The following FAM133B variants were observed in gnomAD, a reference collection of about 807,000 sequenced individuals.
FAM133B encodes the protein protein FAM133B.
FAM133B carries 25 observed loss-of-function variants against 46.4 expected under a neutral mutation model. The ratio of observed to expected loss-of-function variants is 0.54; its 90% CI spans 0.39 to 0.75. The LOEUF (loss-of-function observed/expected upper bound fraction) is 0.75. FAM133B is among the 30% of genes least tolerant of loss of function. FAM133B has a pLI of 0.00. For synonymous variants in FAM133B, 75 were observed against 86.0 expected, an observed-to-expected ratio of 0.87 and a Z score of 0.71; for missense variants, 205 against 277.6, an observed-to-expected ratio of 0.74 and a Z score of 1.86.
Position 92,581,563 on chromosome 7 carries a change from G to A in FAM133B, c.65C>T (p.Pro22Leu). The A allele has an allele frequency of 6.2e-7, 1 of 1,613,852 alleles. No homozygotes were observed. Among genetic ancestry groups the A allele is most frequent in the Middle Eastern group, 1.7e-4 (1 of 6,060 alleles). ...NPIAMARSRG[P>L]IQSSGPTIQD... ...TATTGTTGGCCCTGAAGACTGGATT[G>A]GACCCCTTGATCTCGCCATTGCTAT... Residue 22 changes from proline to leucine, a missense_variant, in exon 2 of 11, where the codon CCA becomes CTA. Transcript: ENST00000445716.
chr7:92,567,005 G>A (rs1794371151), intron 9 of FAM133B, among the ~76,000 whole-genome samples: 1 of 152,152 alleles, frequency 6.6e-6, no homozygotes, highest in Admixed American at 6.5e-5. Context: ...GAGGCCAGGA[G>A]TTCAAGACCA....
intron 7 of FAM133B, 46 bp from the exon 8 acceptor site, chr7:92,575,867 G>A: frequency 2.2e-6 from 2 of 906,434 alleles, no homozygotes; most frequent in Non-Finnish European, 3.4e-6. Flanking sequence ...CAAGGACACA[G>A]CATTACAGAA....
chr7:92,572,177 G>GA (rs1175668902), intron 8 of FAM133B, among the ~76,000 whole-genome samples: 18 of 152,288 alleles, frequency 1.2e-4, no homozygotes, highest in Admixed American at 7.8e-4. Flanking sequence ...CAAAGACTAT[G>GA]AAAAGCAATG....
At position 92,565,833 on chromosome 7, in the gene FAM133B, AT is replaced by A. The variant is rs111677992; in HGVS notation, c.657+180del. On this transcript the variant is annotated intron_variant, in intron 10 of 10. Coordinates refer to ENST00000445716, the MANE Select transcript of FAM133B (RefSeq NM_152789.4). The stretch of plus-strand genomic sequence containing the variant: ...CATGCTTGCTACCAGGGTATTTTTT[AT>A]TTTTCCTGAACCATTTTGACTTTCT... 7.9e-4 allele frequency: 481 copies of A among 612,038 alleles called. 4 individuals carry two copies. The African/African-American group carries it at 7.9e-3, about 10-fold the overall frequency. The allele number at this position is 612,038 out of a possible 1,614,324, so 37.9% of individuals were successfully genotyped here.
chr7:92,585,367 C>T (rs1443197426), intron 1 of FAM133B: 1 of 984,790 alleles, frequency 1.0e-6, no homozygotes. Flanking sequence ...TTCTAATTTC[C>T]TTGGTATCAT....
In FAM133B at chr7:92,577,649, C is replaced by T. The variant is rs1467798258; in HGVS notation, c.372+6G>A. 4.4e-6 allele frequency: 7 copies of T among 1,574,988 alleles called. No homozygotes were observed. In the African/African-American group the frequency reaches 8.1e-5, roughly 18 times the overall value. ...TATTTCATGAACCATTATAAGCAAACCTTACCTCATCTTCAGAATCAGAAG... is the reference window on the plus strand; with the variant it reads ...TATTTCATGAACCATTATAAGCAAATCTTACCTCATCTTCAGAATCAGAAG... On this transcript the variant is annotated splice_donor_region_variant and intron_variant, in intron 6 of 10. Transcript: ENST00000445716.
intron 2 of FAM133B, 91 bp downstream of exon 2, chr7:92,581,415 C>T (rs970053825): frequency 1.9e-6 from 2 of 1,052,104 alleles, no homozygotes; most frequent in African/African-American, 1.6e-5. Flanking sequence ...CTGGCAATTG[C>T]TTGGTAATCA....
At chr7:92,571,258 CCT>C (rs1179606201) in intron 8 of FAM133B, among the ~76,000 whole-genome samples, 5 of 152,174 alleles carry the variant, frequency 3.3e-5, no homozygotes, top group Non-Finnish European at 7.4e-5. Context: ...AAGAAGCCTC[CCT>C]CTCAGGCTCT....
intron 1 of FAM133B, among the ~76,000 whole-genome samples, chr7:92,584,431 G>C (rs764012657): frequency 6.6e-6 from 1 of 152,114 alleles, no homozygotes; most frequent in Non-Finnish European, 1.5e-5. Flanking sequence ...TTCTCTGTCA[G>C]AGTAAACAAT....
chr7:92,572,410 G>GTA (rs1794558637), intron 8 of FAM133B, among the ~76,000 whole-genome samples: 2 of 152,212 alleles, frequency 1.3e-5, no homozygotes, highest in Non-Finnish European at 2.9e-5. Flanking sequence ...ACAGTCCAAA[G>GTA]TATCCTTTAG....
At position 92,569,919 on chromosome 7, in the gene FAM133B, T is replaced by C. The variant is rs1351684780; in HGVS notation, c.517-4A>G. ...TTTTGCTGAGTCCTTTAATATCCTA[T>C]GAAAAATAAATACATTTATCTTGAC... On this transcript the variant is annotated splice_region_variant and splice_polypyrimidine_tract_variant and intron_variant, in intron 8 of 10. Coordinates refer to ENST00000445716, the MANE Select transcript of FAM133B (RefSeq NM_152789.4). The C allele has an allele frequency of 7.7e-7, 1 of 1,292,334 alleles. No individual in the cohort carries two copies. Among genetic ancestry groups the C allele is most frequent in the East Asian group, 3.0e-5 (1 of 32,864 alleles). 80.1% of individuals were successfully genotyped at this position (1,292,334 alleles called of 1,614,324 possible). A position where few individuals can be genotyped will look rare whatever the true frequency, so the allele number is the denominator to read the frequency against.
chr7:92,564,476 C>T (rs189673692), intron 10 of FAM133B, among the ~76,000 whole-genome samples: 122 of 152,200 alleles, frequency 8.0e-4, no homozygotes, highest in Non-Finnish European at 1.4e-3. Context: ...TTAATTAATC[C>T]GAACCACAGA....
intron 9 of FAM133B, among the ~76,000 whole-genome samples, chr7:92,568,813 T>G (rs1794444817): frequency 6.6e-6 from 1 of 152,174 alleles, no homozygotes; most frequent in African/African-American, 2.4e-5. Context: ...CAGAGTGCAC[T>G]GCAGCCTCAA....
intron 1 of FAM133B, 161 bp downstream of exon 1, chr7:92,590,107 C>T: frequency 9.8e-7 from 1 of 1,021,398 alleles, no homozygotes; most frequent in Non-Finnish European, 1.4e-6. Context: ...ACTGCGTGCG[C>T]GGCGCACGCG....
intron 6 of FAM133B, 110 bp downstream of exon 6, chr7:92,577,545 A>G: frequency 2.2e-6 from 2 of 896,148 alleles, no homozygotes; most frequent in South Asian, 2.5e-5. Flanking sequence ...TGGATAATTA[A>G]TCAAAACCTG....
intron 10 of FAM133B, 83 bp from the exon 11 acceptor site, chr7:92,562,451 C>A: frequency 6.8e-7 from 1 of 1,468,870 alleles, no homozygotes. Flanking sequence ...TAAGCTACCA[C>A]ATAATTCCAA....
intron 2 of FAM133B, among the ~76,000 whole-genome samples, chr7:92,580,588 C>G (rs1370113820): frequency 6.6e-6 from 1 of 152,246 alleles, no homozygotes; most frequent in Non-Finnish European, 1.5e-5. Context: ...TGTTCCGGGA[C>G]TTACCCAAAC....
At chr7:92,587,715 G>C (rs1795075973) in intron 1 of FAM133B, among the ~76,000 whole-genome samples, 1 of 152,126 alleles carries the variant, frequency 6.6e-6, no homozygotes, top group East Asian at 1.9e-4. Flanking sequence ...GCTTGGGCAA[G>C]AGTGAGATAC....
At chr7:92,568,226 C>A (rs1794422594) in intron 9 of FAM133B, among the ~76,000 whole-genome samples, 1 of 152,068 alleles carries the variant, frequency 6.6e-6, no homozygotes, top group African/African-American at 2.4e-5. Context: ...AGCCACTGCA[C>A]CAAGCCTCTT....
Sources: gnomAD v4.1 joint callset for allele counts (sites outside exome capture counted in the v4.1 genomes callset) on GRCh38, gnomAD v4.1.1 for gene constraint, MANE v1.5 for transcripts, NCBI Gene and HGNC (gene_info 2026-07-23, HGNC 2026-07-21) for gene names.